The following TMC7 variants were observed in gnomAD, a reference collection of about 807,000 sequenced individuals.
TMC7 encodes the protein transmembrane channel-like protein 7.
In TMC7, 54 loss-of-function variants were observed where a neutral mutation model predicts 82.9. That is an observed-to-expected ratio of 0.65 (90% CI 0.52 to 0.82). TMC7 has a LOEUF of 0.82. Among genes scored for constraint, TMC7 ranks in the 40% least tolerant of loss-of-function variants. The pLI is 0.00. For missense variants in TMC7, 820 were observed against 901.2 expected (o/e 0.91, Z 1.15); for synonymous variants, 350 against 337.9 (o/e 1.04, Z -0.39).
chr16:19,046,207 C>A (rs565920948), intron 11 of TMC7, among the ~76,000 whole-genome samples: 1 of 152,126 alleles, frequency 6.6e-6, no homozygotes, highest in Non-Finnish European at 1.5e-5. Flanking sequence ...ACCTGTCTCC[C>A]GATCTGGGTT....
At chr16:19,011,912 C>T (rs1959372216) in intron 2 of TMC7, among the ~76,000 whole-genome samples, 1 of 152,076 alleles carries the variant, frequency 6.6e-6, no homozygotes, top group Non-Finnish European at 1.5e-5. Flanking sequence ...GAGGCTGAGG[C>T]AGGTGGATCA....
At chr16:18,986,377 AGAGACTCTGTCT>A (rs1178898996) in intron 1 of TMC7, among the ~76,000 whole-genome samples, 1 of 146,760 alleles carries the variant, frequency 6.8e-6, no homozygotes, top group East Asian at 2.0e-4. Flanking sequence ...CCTGGGTGAC[AGAGACTCTGTCT>A]GAAAAAAAAA....
intron 1 of TMC7, among the ~76,000 whole-genome samples, chr16:18,999,114 C>T (rs143258650): frequency 7.6e-4 from 116 of 152,324 alleles, no homozygotes; most frequent in African/African-American, 2.2e-3. Flanking sequence ...TCACAGCTCA[C>T]TGCAGCCTCA....
intron 1 of TMC7, among the ~76,000 whole-genome samples, chr16:19,007,624 C>T (rs571682089): frequency 6.6e-6 from 1 of 151,830 alleles, no homozygotes; most frequent in South Asian, 2.1e-4. Flanking sequence ...ACCGAGATCA[C>T]GTGCCACTGC....
chr16:19,008,800 G>A (rs962492303), intron 1 of TMC7, among the ~76,000 whole-genome samples: 7 of 152,140 alleles, frequency 4.6e-5, no homozygotes, highest in East Asian at 1.9e-4. Context: ...ACCCTACACT[G>A]TGGGAGGAAG....
chr16:19,054,099 TC>T (rs1391393882), intron 13 of TMC7, among the ~76,000 whole-genome samples: 1 of 152,216 alleles, frequency 6.6e-6, no homozygotes, highest in African/African-American at 2.4e-5. Context: ...TTTATTTTTA[TC>T]CCTACATAAA....
intron 13 of TMC7, among the ~76,000 whole-genome samples, chr16:19,053,847 T>C (rs929521430): frequency 2.8e-5 from 4 of 140,782 alleles, no homozygotes; most frequent in Admixed American, 2.2e-4. Context: ...TGTCTTTTCT[T>C]TCTTTTTTTT....
At chr16:19,045,187 G>T in intron 10 of TMC7, 154 bp from the exon 11 acceptor site, 1 of 821,104 alleles carries the variant, frequency 1.2e-6, no homozygotes, top group Non-Finnish European at 2.0e-6. Flanking sequence ...TGGAAACCAA[G>T]GTCTGTGCTG....
In TMC7 at chr16:19,044,909, A is replaced by C; in HGVS notation, c.1363A>C (p.Ile455Leu). 4 of 1,613,496 alleles carry C rather than the reference A, an allele frequency of 2.5e-6. No individual in the cohort carries two copies. The highest frequency in any genetic ancestry group is 3.4e-6 in the Non-Finnish European group (4 of 1,179,930). Residue 455 changes from isoleucine (I) to leucine (L), a missense_variant, in exon 10 of 16, where the codon ATA (isoleucine) becomes CTA (leucine). Coordinates refer to ENST00000304381, the MANE Select transcript of TMC7 (RefSeq NM_024847.4). The part of the protein sequence containing the change: ...LRCVFMRLAT[I>L]CVLVFTLGSK... Reference sequence around the variant, plus strand: ...GTGTGTCTTTATGCGGCTGGCCACCATATGTGTCCTGGTGTTCACGCTGGG... The same window carrying C: ...GTGTGTCTTTATGCGGCTGGCCACCCTATGTGTCCTGGTGTTCACGCTGGG...
chr16:19,022,757 G>A (rs753319167), intron 4 of TMC7, among the ~76,000 whole-genome samples: 51 of 152,308 alleles, frequency 3.3e-4, no homozygotes, highest in Middle Eastern at 3.4e-3. Flanking sequence ...GGCCGGGTCC[G>A]GGGGCTCACG....
intron 1 of TMC7, among the ~76,000 whole-genome samples, chr16:18,996,586 C>T (rs997214451): frequency 1.3e-5 from 2 of 151,954 alleles, no homozygotes; most frequent in African/African-American, 2.4e-5. Flanking sequence ...AGGTCAGGTG[C>T]GAGTTGAAGA....
At chr16:19,013,993 A>G (rs1959535295) in intron 2 of TMC7, among the ~76,000 whole-genome samples, 1 of 151,472 alleles carries the variant, frequency 6.6e-6, no homozygotes, top group Admixed American at 6.6e-5. Context: ...AGCTGGGACT[A>G]CAGGTGCCCG....
At chr16:19,040,519 C>A in intron 9 of TMC7, 73 bp downstream of exon 9, 1 of 1,374,212 alleles carries the variant, frequency 7.3e-7, no homozygotes. Flanking sequence ...CCATGGCAGA[C>A]ATCGCTAATC....
intron 13 of TMC7, among the ~76,000 whole-genome samples, chr16:19,052,458 A>G (rs1253656702): frequency 6.6e-6 from 1 of 152,152 alleles, no homozygotes; most frequent in Non-Finnish European, 1.5e-5. Flanking sequence ...AGCCTCCTGA[A>G]GTATTGGGAT....
chr16:19,015,329 C>T (rs917846479), intron 2 of TMC7, among the ~76,000 whole-genome samples: 4 of 150,404 alleles, frequency 2.7e-5, no homozygotes, highest in African/African-American at 9.8e-5. Context: ...GTGGTGAGAT[C>T]TCAGCTCACT....
chr16:19,032,815 G>T (rs760169805), intron 6 of TMC7, among the ~76,000 whole-genome samples: 5 of 152,126 alleles, frequency 3.3e-5, no homozygotes, highest in Non-Finnish European at 5.9e-5. Context: ...TTTTAGTAGA[G>T]ATGGGGTTTC....
At chr16:18,984,426 C>A (rs945676323) in intron 1 of TMC7, 2 of 1,219,630 alleles carry the variant, frequency 1.6e-6, no homozygotes, top group East Asian at 7.4e-5. Flanking sequence ...CTTTCAATAG[C>A]CTCATCTGCT....
rs1961200626 is a variant in TMC7 at position 19,045,000 on chromosome 16, C to CGGTGA, written c.1455+1_1455+5dup. The CGGTGA allele has an allele frequency of 6.2e-7, 1 of 1,610,876 alleles. No homozygotes were observed. Among genetic ancestry groups the CGGTGA allele is most frequent in the Non-Finnish European group, 8.5e-7 (1 of 1,177,508 alleles). ...TGCGGCTACAACCAGAAACTCTACCCGGTGAGTTGCGGGGCGGGGGCGTTC... is the reference window on the plus strand; with the variant it reads ...TGCGGCTACAACCAGAAACTCTACCCGGTGAGGTGAGTTGCGGGGCGGGGGCGTTC... On this transcript the variant is annotated frameshift_variant and splice_region_variant, in exon 10 of 16. Coordinates refer to ENST00000304381, the MANE Select transcript of TMC7 (RefSeq NM_024847.4). LOFTEE classifies it high-confidence loss of function.
chr16:19,015,436 T>C (rs1171308647), intron 2 of TMC7, among the ~76,000 whole-genome samples: 2 of 151,948 alleles, frequency 1.3e-5, no homozygotes, highest in Non-Finnish European at 2.9e-5. Context: ...CCGTCATTCC[T>C]TTCTGAGGTT....
Sources: gnomAD v4.1 joint callset for allele counts (sites outside exome capture counted in the v4.1 genomes callset) on GRCh38, gnomAD v4.1.1 for gene constraint, MANE v1.5 for transcripts, NCBI Gene and HGNC (gene_info 2026-07-23, HGNC 2026-07-21) for gene names.